Variants in UTS2B observed in about 807,000 individuals in gnomAD.
UTS2B encodes urotensin-2B.
A neutral mutation model predicts 19.2 loss-of-function variants in UTS2B; 21 were observed. The observed-to-expected ratio is 1.09, with a 90% CI of 0.78 to 1.58. The LOEUF is 1.58. Ranked by LOEUF, UTS2B falls within the 40% of genes most tolerant of loss-of-function variation. UTS2B has a pLI of 0.00. For missense variants in UTS2B, 138 were observed against 130.3 expected (o/e 1.06, Z -0.29); for synonymous variants, 57 against 50.2 (o/e 1.14, Z -0.58).
At chr3:191,307,121 C>G (rs1234511915) in intron 3 of UTS2B, among the ~76,000 whole-genome samples, 1 of 152,182 alleles carries the variant, frequency 6.6e-6, no homozygotes, top group Non-Finnish European at 1.5e-5. Context: ...GCAATATTCA[C>G]TCCCCAGTTT....
intron 2 of UTS2B, among the ~76,000 whole-genome samples, chr3:191,316,944 G>A (rs754995006): frequency 2.4e-4 from 36 of 152,252 alleles, no homozygotes; most frequent in Non-Finnish European, 4.4e-4. Flanking sequence ...AGCCCAGCTG[G>A]CTTAGCCTAG....
chr3:191,281,986 T>G (rs539352866), intron 5 of UTS2B, 101 bp downstream of exon 5: 3 of 851,594 alleles, frequency 3.5e-6, no homozygotes, highest in Non-Finnish European at 5.7e-6. Flanking sequence ...ATTTATTCCT[T>G]AAAACATTAT....
chr3:191,302,398 A>T (rs1035742471), intron 4 of UTS2B, among the ~76,000 whole-genome samples: 1 of 152,162 alleles, frequency 6.6e-6, no homozygotes, highest in Non-Finnish European at 1.5e-5. Context: ...AACACAGCCA[A>T]CCAGCAGCCC....
rs140417086 is a variant in UTS2B, at chr3:191,305,670, A to G, written c.-181-1122T>C. Among the ~76,000 whole-genome samples the G allele has an allele frequency of 7.3e-3, 1,118 of 152,270 alleles. 8 individuals carry two copies. The highest frequency in any genetic ancestry group is 0.012 in the Non-Finnish European group (815 of 68,016). On this transcript the variant is annotated intron_variant, in intron 3 of 8. Transcript: ENST00000340524. ...TGTGCAGAAGCTTCTTAGTTTAATT[A>G]GATCCCATTTGTCAATTTTTTCTTT...
rs141330006 is a variant in UTS2B, at chr3:191,311,925, A to G, written c.-182+4111T>C. On this transcript the variant is annotated intron_variant, in intron 3 of 8. Coordinates refer to ENST00000340524, the MANE Select transcript of UTS2B (RefSeq NM_198152.5). Reference sequence around the variant, plus strand: ...GAGGCCAAGGCAGGTGGATCACCTCAGGTCAGGAGTTTGAGACCAGCCTGT... The same window carrying G: ...GAGGCCAAGGCAGGTGGATCACCTCGGGTCAGGAGTTTGAGACCAGCCTGT... 1.2e-3 allele frequency among the ~76,000 whole-genome samples: 176 copies of G among 152,218 alleles called. 2 individuals carry two copies. Among genetic ancestry groups the G allele is most frequent in the African/African-American group, 4.0e-3 (167 of 41,536 alleles).
chr3:191,303,708 T>A (rs984670321), intron 4 of UTS2B, among the ~76,000 whole-genome samples: 16 of 152,360 alleles, frequency 1.1e-4, no homozygotes, highest in African/African-American at 3.8e-4. Flanking sequence ...ACAAATATTA[T>A]GACATTGGAT....
At chr3:191,272,236 A>G (rs1560131291) in intron 8 of UTS2B, among the ~76,000 whole-genome samples, 1 of 152,252 alleles carries the variant, frequency 6.6e-6, no homozygotes, top group Non-Finnish European at 1.5e-5. Flanking sequence ...GATAACGTGA[A>G]GTGAGGGTGC....
chr3:191,344,962 C>T, the UTS2B span, among the ~76,000 whole-genome samples: 13,529 of 152,228 alleles, frequency 0.089, 690 homozygotes, highest in East Asian at 0.21. Context: ...CTCAAATGCA[C>T]ATCCACATCT....
intron 2 of UTS2B, among the ~76,000 whole-genome samples, chr3:191,323,791 A>G (rs1023669236): frequency 6.6e-6 from 1 of 152,212 alleles, no homozygotes; most frequent in African/African-American, 2.4e-5. Context: ...CAGGGCAAAC[A>G]GATTATAGGT....
chr3:191,281,020 A>T (rs986631363), intron 5 of UTS2B, among the ~76,000 whole-genome samples: 1 of 152,146 alleles, frequency 6.6e-6, no homozygotes, highest in African/African-American at 2.4e-5. Context: ...AATAAATAAT[A>T]AGGGATTATG....
chr3:191,300,231 G>A (rs758005740), intron 4 of UTS2B, among the ~76,000 whole-genome samples: 5 of 151,706 alleles, frequency 3.3e-5, no homozygotes, highest in Non-Finnish European at 7.4e-5. Context: ...TGTATTTTTA[G>A]TAGACATGGG....
chr3:191,346,076 A>G, the UTS2B span, among the ~76,000 whole-genome samples: 1 of 152,134 alleles, frequency 6.6e-6, no homozygotes, highest in Non-Finnish European at 1.5e-5. Context: ...CTCTTCTTAC[A>G]TTGGTGTTCA....
chr3:191,313,054 A>G (rs1717345990), intron 3 of UTS2B, among the ~76,000 whole-genome samples: 1 of 150,816 alleles, frequency 6.6e-6, no homozygotes, highest in African/African-American at 2.4e-5. Context: ...TCACTCTGTC[A>G]GGCTGGAGCG....
intron 3 of UTS2B, among the ~76,000 whole-genome samples, chr3:191,314,642 G>A (rs1717398671): frequency 6.6e-6 from 1 of 152,188 alleles, no homozygotes; most frequent in Admixed American, 6.5e-5. Flanking sequence ...CAAGGGTGGG[G>A]CTGGTAATCA....
chr3:191,325,320 A>C (rs1717717592), intron 2 of UTS2B, among the ~76,000 whole-genome samples: 1 of 142,982 alleles, frequency 7.0e-6, no homozygotes, highest in South Asian at 2.2e-4. Flanking sequence ...CATATGTTCT[A>C]AAAAAGGCAA....
chr3:191,333,931 C>A (rs894545104), upstream of UTS2B, among the ~76,000 whole-genome samples: 1 of 151,932 alleles, frequency 6.6e-6, no homozygotes, highest in Non-Finnish European at 1.5e-5. Flanking sequence ...ATATGTATTA[C>A]ATAGAAAAAT....
In UTS2B at chr3:191,268,169, C is replaced by G. The variant is rs1715991273; in HGVS notation, c.*247G>C. The G allele has an allele frequency of 3.4e-6, 1 of 295,054 alleles. No homozygotes were observed. 18.3% of individuals were successfully genotyped at this position (295,054 alleles called of 1,614,324 possible). A position where few individuals can be genotyped will look rare whatever the true frequency, so the allele number is the denominator to read the frequency against. ...GGATAGGAATCTTGGTGATATGAAA[C>G]CTCCCTGACTGCACGTCCATTCATA... On this transcript the variant is annotated 3_prime_UTR_variant, in exon 9 of 9. Transcript: ENST00000340524.
At chr3:191,312,151 C>CAA (rs1217233342) in intron 3 of UTS2B, among the ~76,000 whole-genome samples, 36 of 77,162 alleles carry the variant, frequency 4.7e-4, no homozygotes, top group South Asian at 7.5e-4. Context: ...GATTCTGTCT[C>CAA]AAAAAAAAAA....
chr3:191,320,357 A>T (rs1717581515), intron 2 of UTS2B, among the ~76,000 whole-genome samples: 1 of 152,206 alleles, frequency 6.6e-6, no homozygotes, highest in Non-Finnish European at 1.5e-5. Flanking sequence ...TATTCAAAGA[A>T]CATCAAGTTG....
Sources: allele counts gnomAD v4.1 joint callset (sites outside exome capture counted in the v4.1 genomes callset), GRCh38; gene constraint gnomAD v4.1.1; transcripts MANE v1.5; gene names NCBI Gene and HGNC (gene_info 2026-07-23, HGNC 2026-07-21).